CNTN5: variants seen among roughly 807,000 people sequenced by gnomAD.
CNTN5 encodes the protein contactin-5.
Under a neutral mutation model 129.1 loss-of-function variants are expected in CNTN5, and 77 were observed. That is an observed-to-expected ratio of 0.60 (90% confidence interval 0.50 to 0.72). The LOEUF (loss-of-function observed/expected upper bound fraction) is 0.72, where lower values mean the gene tolerates loss of function less well. Among genes scored for constraint, CNTN5 ranks in the 30% least tolerant of loss-of-function variants. CNTN5 has a pLI of 0.00. For synonymous variants in CNTN5, 509 were observed against 465.6 expected (o/e 1.09, Z -1.20); for missense variants, 1,478 against 1,328.8 (o/e 1.11, Z -1.75).
chr11:99,111,019 G>A (rs1233567437), intron 1 of CNTN5, among the ~76,000 whole-genome samples: 2 of 152,064 alleles, frequency 1.3e-5, no homozygotes, highest in Non-Finnish European at 2.9e-5. Flanking sequence ...TTAGGAAACA[G>A]TTCTCATTTG....
Position 99,731,416 on chromosome 11 carries a change from C to T in CNTN5, c.56-88128C>T, listed in dbSNP as rs534565661. ...CTGAAAAGAAGCTCTTTAGTTAACT[C>T]TCTTTGTCATGGAGTTAGAAGTCAA... On this transcript the variant is annotated intron_variant, in intron 3 of 24. Transcript: ENST00000524871. 2.6e-5 allele frequency among the ~76,000 whole-genome samples: 4 copies of T among 152,104 alleles called. No individual in the cohort carries two copies. In the East Asian group the frequency reaches 7.7e-4, roughly 29 times the overall value.
intron 2 of CNTN5, among the ~76,000 whole-genome samples, chr11:99,338,012 A>G (rs1042047776): frequency 7.9e-5 from 12 of 152,168 alleles, no homozygotes; most frequent in Non-Finnish European, 8.8e-5. Context: ...CTTTAGTTTA[A>G]ATTCATAAAC....
At chr11:100,156,690 G>T (rs922959397) in intron 13 of CNTN5, among the ~76,000 whole-genome samples, 1 of 152,006 alleles carries the variant, frequency 6.6e-6, no homozygotes, top group Non-Finnish European at 1.5e-5. Context: ...TCTATTCAGG[G>T]ATTCAACTTC....
At chr11:99,588,329 G>A (rs1461971103) in intron 3 of CNTN5, among the ~76,000 whole-genome samples, 13 of 110,394 alleles carry the variant, frequency 1.2e-4, no homozygotes, top group African/African-American at 4.0e-4. Context: ...GGGCGACAGA[G>A]CAAGACTCCT....
Position 99,778,669 on chromosome 11 carries a change from A to T in CNTN5, c.56-40875A>T, listed in dbSNP as rs186426494. Among the ~76,000 whole-genome samples, 47 of 151,898 alleles carry T rather than the reference A, an allele frequency of 3.1e-4. 1 individual carries two copies. The highest frequency in any genetic ancestry group is 5.9e-4 in the Admixed American group (9 of 15,206). ...AAGCCCTAATTGAGAAAGCAACCAG[A>T]TACTTTATTATGCATCCTAAGATCT... On this transcript the variant is annotated intron_variant, in intron 3 of 24. Transcript: ENST00000524871.
At chr11:100,247,585 A>T (rs547902034) in intron 16 of CNTN5, among the ~76,000 whole-genome samples, 259 of 152,040 alleles carry the variant, frequency 1.7e-3, no homozygotes, top group Non-Finnish European at 3.2e-3. Flanking sequence ...GTGAAGTTGA[A>T]CTCTGCCAGC....
intron 22 of CNTN5, 87 bp downstream of exon 22, chr11:100,340,736 CAG>C: frequency 7.5e-6 from 9 of 1,197,402 alleles, no homozygotes; most frequent in Non-Finnish European, 1.0e-5. Context: ...GCATAATAAG[CAG>C]AGTCAAAGGG....
rs552161285 is a variant in CNTN5 at position 99,322,398 on chromosome 11, C to T, written c.-209-2948C>T. Among the ~76,000 whole-genome samples, 23 of 152,102 alleles carry T rather than the reference C, an allele frequency of 1.5e-4. 1 individual carries two copies. In the South Asian group the frequency reaches 4.8e-3, roughly 31 times the overall value. On this transcript the variant is annotated intron_variant, in intron 1 of 24. Coordinates refer to ENST00000524871, the MANE Select transcript of CNTN5 (RefSeq NM_014361.4). Reference sequence around the variant, plus strand: ...GCAAGTTTCAGAAGTAGAAAGAACACAAAAAATTATCAGGAAAACTTTTTT... The same window carrying T: ...GCAAGTTTCAGAAGTAGAAAGAACATAAAAAATTATCAGGAAAACTTTTTT...
chr11:99,960,735 C>T (rs539455884), intron 8 of CNTN5, among the ~76,000 whole-genome samples: 12 of 152,068 alleles, frequency 7.9e-5, no homozygotes, highest in African/African-American at 2.7e-4. Context: ...CAGTGAAAAT[C>T]GTAATGAAGG....
chr11:100,082,243 A>G (rs142377543), intron 13 of CNTN5, among the ~76,000 whole-genome samples: 1 of 152,300 alleles, frequency 6.6e-6, no homozygotes, highest in African/African-American at 2.4e-5. Flanking sequence ...TATAGGAAAA[A>G]TTAAAGATTT....
intron 1 of CNTN5, among the ~76,000 whole-genome samples, chr11:99,280,084 A>G (rs1863625200): frequency 6.6e-6 from 1 of 151,800 alleles, no homozygotes; most frequent in African/African-American, 2.4e-5. Context: ...AATAGGGTAT[A>G]TTTACAAAGG....
At chr11:99,887,643 G>A (rs1377226480) in intron 6 of CNTN5, among the ~76,000 whole-genome samples, 1 of 152,204 alleles carries the variant, frequency 6.6e-6, no homozygotes, top group Non-Finnish European at 1.5e-5. Context: ...TGACAGTGCA[G>A]CCTTTAGTCT....
intron 1 of CNTN5, among the ~76,000 whole-genome samples, chr11:99,123,379 C>G (rs1200117906): frequency 1.3e-5 from 2 of 152,004 alleles, no homozygotes; most frequent in African/African-American, 4.8e-5. Context: ...CATTTGCCCA[C>G]TTATTAATGG....
chr11:99,457,620 T>C (rs1029318282), intron 2 of CNTN5, among the ~76,000 whole-genome samples: 3 of 151,856 alleles, frequency 2.0e-5, no homozygotes, highest in African/African-American at 7.2e-5. Flanking sequence ...TTTGTAAAAT[T>C]ACATGTTTCC....
At chr11:99,854,646 T>C (rs746138996) in intron 6 of CNTN5, among the ~76,000 whole-genome samples, 1 of 152,172 alleles carries the variant, frequency 6.6e-6, no homozygotes, top group African/African-American at 2.4e-5. Flanking sequence ...ATAAGGAATG[T>C]AGGTTTCTGG....
At chr11:99,294,481 TAAAACCAG>T (rs1864300272) in intron 1 of CNTN5, among the ~76,000 whole-genome samples, 1 of 152,092 alleles carries the variant, frequency 6.6e-6, no homozygotes, top group African/African-American at 2.4e-5. Context: ...ATCTCTATAA[TAAAACCAG>T]TAATATACTG....
At chr11:100,150,290 T>C (rs1174294677) in intron 13 of CNTN5, among the ~76,000 whole-genome samples, 7 of 152,130 alleles carry the variant, frequency 4.6e-5, no homozygotes, top group African/African-American at 1.7e-4. Context: ...GACGAGGCAT[T>C]AGACACATAT....
At chr11:99,236,495 CACAG>C (rs560486813) in intron 1 of CNTN5, among the ~76,000 whole-genome samples, 122 of 126,102 alleles carry the variant, frequency 9.7e-4, no homozygotes, top group South Asian at 2.8e-3. Flanking sequence ...CACACACACA[CACAG>C]AGAGAGAGAG....
chr11:99,291,638 T>A (rs528032629), intron 1 of CNTN5, among the ~76,000 whole-genome samples: 38 of 152,156 alleles, frequency 2.5e-4, no homozygotes, highest in African/African-American at 8.7e-4. Context: ...CATCGTATAA[T>A]GTGTGGTTAT....
Sources: allele counts gnomAD v4.1 joint callset (sites outside exome capture counted in the v4.1 genomes callset), GRCh38; gene constraint gnomAD v4.1.1; transcripts MANE v1.5; gene names NCBI Gene and HGNC (gene_info 2026-07-23, HGNC 2026-07-21).